The following NOL4L variants were observed in gnomAD, a reference collection of about 807,000 sequenced individuals.
NOL4L encodes the protein nucleolar protein 4 like.
Under a neutral mutation model 64.5 loss-of-function variants are expected in NOL4L, and 7 were observed. The ratio of observed to expected loss-of-function variants is 0.11; its 90% CI spans 0.06 to 0.20. The LOEUF is 0.20. Ranked by LOEUF, NOL4L falls within the 10% of genes least tolerant of loss-of-function variation. The pLI, the probability that NOL4L is intolerant of heterozygous loss-of-function variation, is 1.00. For missense variants in NOL4L, 680 were observed against 967.1 expected, an observed-to-expected ratio of 0.70 and a Z score of 3.94; for synonymous variants, 413 against 401.0, an observed-to-expected ratio of 1.03 and a Z score of -0.36.
chr20:32,509,641 C>T (rs993968285), intron 4 of NOL4L: 57 of 677,986 alleles, frequency 8.4e-5, no homozygotes, highest in Non-Finnish European at 9.9e-5. Flanking sequence ...ACTGAATCCT[C>T]GTTAAAGCAC....
At chr20:32,540,042 G>C (rs562615970) in intron 1 of NOL4L, among the ~76,000 whole-genome samples, 1 of 152,334 alleles carries the variant, frequency 6.6e-6, no homozygotes, top group Non-Finnish European at 1.5e-5. Flanking sequence ...AGCAGTCTCT[G>C]GTGGGGCAGC....
intron 10 of NOL4L, chr20:32,451,619 G>A (rs1266381895): frequency 1.3e-5 from 2 of 152,472 alleles, no homozygotes; most frequent in East Asian, 3.9e-4. Flanking sequence ...CCAGCTACAG[G>A]AGCGGAGCGA....
chr20:32,453,677 G>A lies in NOL4L; in HGVS notation c.1204C>T (p.Pro402Ser), dbSNP rs1799946627. 1.3e-6 allele frequency: 2 copies of A among 1,573,828 alleles called. No homozygotes were observed. The highest frequency in any genetic ancestry group is 2.7e-5 in the African/African-American group (2 of 74,006). The change falls in exon 7 of 11, where the codon CCG becomes TCG. Residue 402 changes from proline to serine, a missense_variant. Around this residue, in one of 4 missense-constraint regions of NOL4L, gnomAD observed 254 missense variants for 238.7 expected, o/e 1.06. Coordinates refer to ENST00000621426, the MANE Select transcript of NOL4L (RefSeq NM_001256798.2). The surrounding 1 kb of genome is among the most constrained non-coding windows in gnomAD (Gnocchi z 5.6). ...TCATCGTCGTCATCATCTGCCGTCG[G>A]GGCCCGGCCCACTGTCAGGTCCTCA... ...CPEDLTVGRA[P>S]TADDDDDDHD...
chr20:32,452,905 T>C lies in NOL4L; in HGVS notation c.1599A>G (p.Leu533=). The C allele has an allele frequency of 1.2e-6, 2 of 1,614,006 alleles. No individual in the cohort carries two copies. Among genetic ancestry groups the C allele is most frequent in the Non-Finnish European group, 1.7e-6 (2 of 1,180,002 alleles). Residue 533 remains leucine, a synonymous_variant, in exon 9 of 11, where the codon CTA becomes CTG. Transcript: ENST00000621426. ...ETRKAAKRMR[L]EIYQSSQDEP... ...GTACCTGTGAGGACTGGTAGATCTCTAGACGCATCCGCTTGGCTGCCTTTC... is the reference window on the plus strand; with the variant it reads ...GTACCTGTGAGGACTGGTAGATCTCCAGACGCATCCGCTTGGCTGCCTTTC...
intron 1 of NOL4L, chr20:32,572,458 TC>T (rs1979810676): frequency 6.6e-6 from 1 of 152,216 alleles, no homozygotes; most frequent in Admixed American, 6.6e-5. Flanking sequence ...GACGTTGCTC[TC>T]CCCATTTTAC....
At chr20:32,574,788 C>CACGG (rs35087397) in intron 1 of NOL4L, among the ~76,000 whole-genome samples, 32,848 of 151,826 alleles carry the variant, frequency 0.22, 4,949 homozygotes, top group East Asian at 0.62. Flanking sequence ...AGGCCTAAGT[C>CACGG]ACGGGGTCCC....
rs77567434 is a variant in NOL4L, at chr20:32,574,059, C to T, written c.321+10511G>A. 8.0e-3 allele frequency among the ~76,000 whole-genome samples: 1,216 copies of T among 152,306 alleles called. 17 individuals carry two copies. The highest frequency in any genetic ancestry group is 0.028 in the African/African-American group (1,170 of 41,546). ...ATCTTCCCAGCTACCCCTTGGGGTA[C>T]GGGTTTTATCACCCCCTTATACAGA... is the stretch of plus-strand genomic sequence containing the variant. On this transcript the variant is annotated intron_variant, in intron 1 of 10. Coordinates refer to ENST00000621426, the MANE Select transcript of NOL4L (RefSeq NM_001256798.2).
At chr20:32,505,843 T>C (rs2145545080) in intron 4 of NOL4L, among the ~76,000 whole-genome samples, 1 of 152,204 alleles carries the variant, frequency 6.6e-6, no homozygotes, top group East Asian at 1.9e-4. Context: ...AAGAGCCAAC[T>C]GCACAGAGAG....
chr20:32,546,334 C>T (rs1473258414), intron 1 of NOL4L, among the ~76,000 whole-genome samples: 4 of 152,240 alleles, frequency 2.6e-5, no homozygotes, highest in Non-Finnish European at 4.4e-5. Context: ...CCACAACCTC[C>T]GCCTCCTAGG....
At position 32,471,389 on chromosome 20, in the gene NOL4L, C is replaced by T. The variant is rs149519018; in HGVS notation, c.841+3212G>A. Among the ~76,000 whole-genome samples the T allele has an allele frequency of 5.2e-3, 772 of 148,876 alleles. 1 individual carries two copies. Among genetic ancestry groups the T allele is most frequent in the South Asian group, 0.011 (55 of 4,788 alleles). ...GGGGAGTGAGAGCAGACACTCACCCCGGTAGAAGCTCAGAGGCAAGCTCCC... is the reference window on the plus strand; with the variant it reads ...GGGGAGTGAGAGCAGACACTCACCCTGGTAGAAGCTCAGAGGCAAGCTCCC... On this transcript the variant is annotated intron_variant, in intron 5 of 10. Transcript: ENST00000621426.
At chr20:32,494,253 G>GAA (rs566317193) in intron 4 of NOL4L, among the ~76,000 whole-genome samples, 407 of 21,978 alleles carry the variant, frequency 0.019, 73 homozygotes, top group Middle Eastern at 0.042. Context: ...ATAATCTCGG[G>GAA]AAAAAAAAAA....
chr20:32,518,275 A>C (rs1298718969), intron 3 of NOL4L, among the ~76,000 whole-genome samples: 2 of 152,242 alleles, frequency 1.3e-5, no homozygotes, highest in Admixed American at 6.5e-5. Flanking sequence ...AAGCCCCAGG[A>C]AAGATGGGCT....
At chr20:32,533,458 T>C (rs2018413944) in intron 1 of NOL4L, 1 of 152,200 alleles carries the variant, frequency 6.6e-6, no homozygotes, top group Non-Finnish European at 1.5e-5. Flanking sequence ...CTGATCAGAA[T>C]GTCTCCATGA....
chr20:32,576,295 C>A (rs1980100172), intron 1 of NOL4L, among the ~76,000 whole-genome samples: 1 of 152,078 alleles, frequency 6.6e-6, no homozygotes, highest in Non-Finnish European at 1.5e-5. Context: ...AGGCTTGGAC[C>A]AGGCTAGAGG....
Position 32,456,352 on chromosome 20 carries a change from G to T in NOL4L, c.885C>A (p.Thr295=). The T allele has an allele frequency of 6.7e-7, 1 of 1,488,172 alleles. No individual in the cohort carries two copies. The highest frequency in any genetic ancestry group is 9.0e-7 in the Non-Finnish European group (1 of 1,115,566). The allele number at this position is 1,488,172 out of a possible 1,614,324, so 92.2% of individuals were successfully genotyped here. The change falls in exon 6 of 11, where the codon ACC becomes ACA. Residue 295 remains threonine (T), a synonymous_variant. Transcript: ENST00000621426. ...TGCTGCTCGACGTGGATGGGTTCAG[G>T]GTGGAGGAGCCATTGCCGCTGCCAC... The part of the protein sequence containing the change: ...SESGSGNGSS[T]LNPSTSSSTQ...
At chr20:32,518,294 G>C (rs2017763989) in intron 3 of NOL4L, among the ~76,000 whole-genome samples, 1 of 152,262 alleles carries the variant, frequency 6.6e-6, no homozygotes, top group South Asian at 2.1e-4. Flanking sequence ...CTTCAGCGCT[G>C]GTTTATATTC....
chr20:32,535,666 A>G (rs1280617393), intron 1 of NOL4L: 2 of 985,254 alleles, frequency 2.0e-6, no homozygotes, highest in Non-Finnish European at 2.4e-6. Flanking sequence ...CAACGGCGCT[A>G]CATTTGAGGA....
chr20:32,456,280 C>A lies in NOL4L; in HGVS notation c.957G>T (p.Val319=). ...CGGCCGTGGTGAAGTCCATGGGGGC[C>A]ACGGCGCCGTTGCCATTCATCTCGG... ...AFPEMNGNGA[V]APMDFTTAAE... is the part of the protein sequence containing the mutation. The change falls in exon 6 of 11, where the codon GTG becomes GTT. Residue 319 remains valine (V), a synonymous_variant. Transcript: ENST00000621426. 1.3e-6 allele frequency: 2 copies of A among 1,589,254 alleles called. No homozygotes were observed. The highest frequency in any genetic ancestry group is 1.4e-5 in the African/African-American group (1 of 74,052).
intron 1 of NOL4L, among the ~76,000 whole-genome samples, chr20:32,550,511 C>T (rs1020269650): frequency 1.3e-5 from 2 of 151,910 alleles, no homozygotes; most frequent in African/African-American, 4.8e-5. Flanking sequence ...TTTGGGAGGG[C>T]GAGGCGAGCT....
Sources: allele counts gnomAD v4.1 joint callset (sites outside exome capture counted in the v4.1 genomes callset), GRCh38; gene constraint gnomAD v4.1.1; regional missense constraint gnomAD v4.1.1; non-coding constraint Gnocchi (gnomAD v3.1); transcripts MANE v1.5; gene names NCBI Gene and HGNC (gene_info 2026-07-23, HGNC 2026-07-21).